Variants in DNAH7 observed in about 807,000 individuals in gnomAD.
The protein encoded by DNAH7 is axonemal beta dynein heavy chain 7.
Under a neutral mutation model 444.6 loss-of-function variants are expected in DNAH7, and 397 were observed. That is an observed-to-expected ratio of 0.89 (90% CI 0.82 to 0.97). DNAH7 has a LOEUF of 0.97. Ranked by LOEUF, DNAH7 falls within the 50% of genes least tolerant of loss-of-function variation. The probability of loss-of-function intolerance (pLI) is 0.00; values close to 1 mark genes in which losing one functional copy is unlikely to be tolerated. For missense variants in DNAH7, 4,902 were observed against 4,800.8 expected, an observed-to-expected ratio of 1.02 and a Z score of -0.62; for synonymous variants, 1,636 against 1,624.4, an observed-to-expected ratio of 1.01 and a Z score of -0.17.
At chr2:196,000,908 T>G in intron 11 of DNAH7, 25 bp from the exon 12 acceptor site, 1 of 1,531,728 alleles carries the variant, frequency 6.5e-7, no homozygotes, top group Non-Finnish European at 8.8e-7. Context: ...AAAATTTACA[T>G]ACATAAATAT....
At chr2:195,991,017 C>T (rs1215685435) in intron 12 of DNAH7, among the ~76,000 whole-genome samples, 3 of 145,318 alleles carry the variant, frequency 2.1e-5, no homozygotes, top group African/African-American at 7.7e-5. Flanking sequence ...TTTATTGATA[C>T]TTTACCATAC....
intron 6 of DNAH7, 48 bp from the exon 7 acceptor site, chr2:196,026,988 T>A (rs1695731184): frequency 7.0e-7 from 1 of 1,420,674 alleles, no homozygotes; most frequent in Admixed American, 2.3e-5. Context: ...AAAAGAAGTA[T>A]GTTTATCAAA....
chr2:195,779,265 T>A (rs1231381747), intron 58 of DNAH7, among the ~76,000 whole-genome samples: 2 of 152,230 alleles, frequency 1.3e-5, no homozygotes, highest in Admixed American at 1.3e-4. Flanking sequence ...TTGCTTCTAA[T>A]TTTTTAGTGT....
intron 42 of DNAH7, among the ~76,000 whole-genome samples, chr2:195,859,913 A>C (rs1699923552): frequency 6.6e-6 from 1 of 152,180 alleles, no homozygotes; most frequent in Non-Finnish European, 1.5e-5. Context: ...TTTCCTTCCA[A>C]GTAACCTGAA....
rs553099622 is a variant in DNAH7 at position 195,799,378 on chromosome 2, C to G, written c.10271G>C (p.Ser3424Thr). 1.2e-6 allele frequency: 2 copies of G among 1,612,818 alleles called. No homozygotes were observed. Among genetic ancestry groups the G allele is most frequent in the Non-Finnish European group, 8.5e-7 (1 of 1,179,480 alleles). Reference sequence around the variant, plus strand: ...GAAAATCAGTGGTGCACAGCAGTTACTGTCTCCAAATGCCTTGGCTAAATC... The same window carrying G: ...GAAAATCAGTGGTGCACAGCAGTTAGTGTCTCCAAATGCCTTGGCTAAATC... ...PFDLAKAFGD[S>T]NCCAPLIFVL... Residue 3424 changes from serine to threonine, a missense_variant, in exon 55 of 65, where the codon AGT becomes ACT. Transcript: ENST00000312428.
intron 57 of DNAH7, among the ~76,000 whole-genome samples, chr2:195,790,642 A>G (rs1695837702): frequency 6.6e-6 from 1 of 152,212 alleles, no homozygotes; most frequent in Admixed American, 6.5e-5. Context: ...AGCCATATGC[A>G]GAAGAATGAA....
chr2:195,771,930 A>T (rs1332305848), intron 60 of DNAH7, 40 bp from the exon 61 acceptor site: 46 of 1,553,678 alleles, frequency 3.0e-5, no homozygotes, highest in Non-Finnish European at 4.0e-5. Flanking sequence ...ATCCTCATAA[A>T]GGTCTAACAA....
chr2:195,975,784 T>A (rs1692149979), intron 15 of DNAH7, among the ~76,000 whole-genome samples: 1 of 152,184 alleles, frequency 6.6e-6, no homozygotes, highest in African/African-American at 2.4e-5. Flanking sequence ...CCCTAGCTCC[T>A]GGAAGACATT....
chr2:195,817,801 G>A lies in DNAH7; in HGVS notation c.9320C>T (p.Pro3107Leu). The change falls in exon 50 of 65, where the codon CCT becomes CTT. Residue 3107 changes from proline (P) to leucine (L), a missense_variant. Pro to Leu is a moderately conservative substitution (Grantham distance 98). Transcript: ENST00000312428. ...KVTLLNFMITPEGMQDQLLGI... is the reference protein window; with the variant it reads ...KVTLLNFMITLEGMQDQLLGI... ...CAGAAGCTGATCTTGCATTCCCTCA[G>A]GGGTTATCATGAAGTTTAATAATGT... The A allele has an allele frequency of 6.2e-7, 1 of 1,605,616 alleles. No individual in the cohort carries two copies.
chr2:195,809,779 C>A lies in DNAH7; in HGVS notation c.9854G>T (p.Cys3285Phe), dbSNP rs758676549. The change falls in exon 52 of 65, where the codon TGT becomes TTT. Residue 3285 changes from cysteine to phenylalanine, a missense_variant. Coordinates refer to ENST00000312428, the MANE Select transcript of DNAH7 (RefSeq NM_018897.3). ...ATGCAGCAGTAGATTTATGGTTAGACAAAAGGAAAAGAGCAGCTTATCCTT... is the reference window on the plus strand; with the variant it reads ...ATGCAGCAGTAGATTTATGGTTAGAAAAAAGGAAAAGAGCAGCTTATCCTT... The part of the protein sequence containing the change: ...FEKDKLLFSF[C>F]LTINLLLHER... 2 of 1,598,020 alleles carry A rather than the reference C, an allele frequency of 1.3e-6. No individual in the cohort carries two copies. The highest frequency in any genetic ancestry group is 2.3e-5 in the South Asian group (2 of 88,386).
At chr2:196,001,211 A>C (rs537382081) in intron 11 of DNAH7, among the ~76,000 whole-genome samples, 2 of 152,192 alleles carry the variant, frequency 1.3e-5, no homozygotes, top group African/African-American at 4.8e-5. Context: ...CTGCAACAGG[A>C]CCTCCTTCCA....
rs182741756 is a variant in DNAH7, at chr2:195,912,708, T to C, written c.3936-2513A>G. Among the ~76,000 whole-genome samples the C allele has an allele frequency of 1.8e-4, 27 of 152,360 alleles. No homozygotes were observed. In the East Asian group the frequency reaches 5.2e-3, roughly 29 times the overall value. ...TTGTGCCATCACCAAGACATCACTA[T>C]ACAGCCAAGAGATAGTTGTCACACA... is the stretch of plus-strand genomic sequence containing the variant. On this transcript the variant is annotated intron_variant, in intron 24 of 64. Coordinates refer to ENST00000312428, the MANE Select transcript of DNAH7 (RefSeq NM_018897.3).
Position 195,816,844 on chromosome 2 carries a change from A to T in DNAH7, c.9545T>A (p.Ile3182Asn). 1.1e-5 allele frequency: 18 copies of T among 1,614,104 alleles called. No individual in the cohort carries two copies. Among genetic ancestry groups the T allele is most frequent in the Non-Finnish European group, 1.4e-5 (16 of 1,179,998 alleles). ...LSSSKALANEISQKQEVAEET... is the reference protein window; with the variant it reads ...LSSSKALANENSQKQEVAEET... ...TTCGGCTACTTCCTGCTTCTGAGAAATCTCATTAGCCAAGGCCTTGGAGGA... is the reference window on the plus strand; with the variant it reads ...TTCGGCTACTTCCTGCTTCTGAGAATTCTCATTAGCCAAGGCCTTGGAGGA... Residue 3182 changes from isoleucine to asparagine, a missense_variant, in exon 51 of 65, where the codon ATT becomes AAT. By Grantham distance (149) the Ile-to-Asn change is moderately radical. Coordinates refer to ENST00000312428, the MANE Select transcript of DNAH7 (RefSeq NM_018897.3).
intron 14 of DNAH7, among the ~76,000 whole-genome samples, chr2:195,986,707 CT>C (rs1449824271): frequency 1.3e-5 from 2 of 152,074 alleles, no homozygotes; most frequent in Admixed American, 1.3e-4. Context: ...GTGATGGTCC[CT>C]TAGGACCCAT....
chr2:195,890,166 G>A (rs957287771), intron 31 of DNAH7, among the ~76,000 whole-genome samples: 40 of 152,140 alleles, frequency 2.6e-4, no homozygotes, highest in Admixed American at 2.2e-3. Context: ...ATAAGATAAC[G>A]GGTCTGTCTC....
At position 195,888,252 on chromosome 2, in the gene DNAH7, C is replaced by T; in HGVS notation, c.5406+6G>A. The T allele has an allele frequency of 6.3e-7, 1 of 1,597,612 alleles. No individual in the cohort carries two copies. Among genetic ancestry groups the T allele is most frequent in the South Asian group, 1.1e-5 (1 of 87,668 alleles). On this transcript the variant is annotated splice_donor_region_variant and intron_variant, in intron 33 of 64. Transcript: ENST00000312428. Reference sequence around the variant, plus strand: ...TTTTTAATCTTAAAATTCTCATTTCCCTTACCTTTGTATGCTTTCTAATAA... The same window carrying T: ...TTTTTAATCTTAAAATTCTCATTTCTCTTACCTTTGTATGCTTTCTAATAA...
chr2:195,973,044 T>C (rs927696255), intron 15 of DNAH7, among the ~76,000 whole-genome samples: 1 of 151,940 alleles, frequency 6.6e-6, no homozygotes, highest in African/African-American at 2.4e-5. Context: ...GAAGCACAAA[T>C]AGAAGGAAAC....
intron 1 of DNAH7, among the ~76,000 whole-genome samples, chr2:196,060,561 T>C (rs1289830666): frequency 6.6e-6 from 1 of 151,822 alleles, no homozygotes; most frequent in Non-Finnish European, 1.5e-5. Flanking sequence ...TGAAACTCTC[T>C]CTAATGTGCC....
chr2:196,065,697 C>T (rs1698391236), intron 1 of DNAH7, among the ~76,000 whole-genome samples: 1 of 152,190 alleles, frequency 6.6e-6, no homozygotes, highest in African/African-American at 2.4e-5. Flanking sequence ...TCTTCCAGAC[C>T]TCAGCTCCTG....
Sources: allele counts gnomAD v4.1 joint callset (sites outside exome capture counted in the v4.1 genomes callset), GRCh38; gene constraint gnomAD v4.1.1; transcripts MANE v1.5; gene names NCBI Gene and HGNC (gene_info 2026-07-23, HGNC 2026-07-21).